The following ARHGEF4 variants were observed in gnomAD, a reference collection of about 807,000 sequenced individuals.
The protein encoded by ARHGEF4 is Rho guanine nucleotide exchange factor 4, also known as APC-stimulated guanine nucleotide exchange factor 1.
A neutral mutation model predicts 162.0 loss-of-function variants in ARHGEF4; 119 were observed. The ratio of observed to expected loss-of-function variants is 0.73; its 90% CI spans 0.63 to 0.86. The LOEUF is 0.86. Among genes scored for constraint, ARHGEF4 ranks in the 40% least tolerant of loss-of-function variants. The pLI, the probability that ARHGEF4 is intolerant of heterozygous loss-of-function variation, is 0.00. For synonymous variants in ARHGEF4, 1,014 were observed against 979.9 expected (o/e 1.03, Z -0.65); for missense variants, 2,488 against 2,456.0 (o/e 1.01, Z -0.28).
chr2:130,920,437 G>A (rs1469871818), intron 2 of ARHGEF4, among the ~76,000 whole-genome samples: 1 of 152,172 alleles, frequency 6.6e-6, no homozygotes, highest in African/African-American at 2.4e-5. Context: ...TCCTCTTTAT[G>A]TTTCATTCCT....
chr2:130,946,574 C>G lies in ARHGEF4; in HGVS notation c.3924C>G (p.Leu1308=), dbSNP rs1245964003. The change falls in exon 4 of 14, where the codon CTC becomes CTG. Residue 1308 remains leucine, a synonymous_variant. Coordinates refer to ENST00000409359, the MANE Select transcript of ARHGEF4 (RefSeq NM_001367493.1). The stretch of plus-strand genomic sequence containing the variant: ...ATCTCCCTAGAAGAAGCCATCCACT[C>G]TCCCAGAGTGCTCCAACGGGACTGA... ...SLNLPRRSHP[L]SQSAPTGLNH... 2 of 1,614,158 alleles carry G rather than the reference C, an allele frequency of 1.2e-6. No individual in the cohort carries two copies.
intron 4 of ARHGEF4, among the ~76,000 whole-genome samples, chr2:130,998,137 C>G (rs1189364480): frequency 6.6e-6 from 1 of 152,168 alleles, no homozygotes; most frequent in Non-Finnish European, 1.5e-5. Context: ...AATCACAAGT[C>G]TTTTTCACAT....
chr2:130,975,091 T>C (rs946236218), intron 4 of ARHGEF4, among the ~76,000 whole-genome samples: 4 of 152,202 alleles, frequency 2.6e-5, no homozygotes, highest in Non-Finnish European at 5.9e-5. Context: ...CATGGACGGA[T>C]GGACGTGCTG....
chr2:130,960,316 C>G (rs1684554672), intron 4 of ARHGEF4, among the ~76,000 whole-genome samples: 1 of 152,120 alleles, frequency 6.6e-6, no homozygotes, highest in African/African-American at 2.4e-5. Flanking sequence ...ATATTTTATA[C>G]TATATTTTTA....
chr2:130,930,875 G>T, intron 2 of ARHGEF4, 77 bp from the exon 3 acceptor site: 1 of 1,406,132 alleles, frequency 7.1e-7, no homozygotes, highest in Non-Finnish European at 9.6e-7. Flanking sequence ...AAGGAACTAG[G>T]CAGAGGAAGG....
chr2:130,851,339 C>T (rs1431456736), intron 1 of ARHGEF4, among the ~76,000 whole-genome samples: 2 of 152,258 alleles, frequency 1.3e-5, no homozygotes, highest in African/African-American at 4.8e-5. Flanking sequence ...CCCTGGTTCG[C>T]ATCCATCAAC....
intron 4 of ARHGEF4, among the ~76,000 whole-genome samples, chr2:130,991,512 G>A (rs111745949): frequency 0.02 from 3,073 of 152,312 alleles, 91 homozygotes; most frequent in African/African-American, 0.07. Context: ...TTCGGTGGGC[G>A]TGGGCTTGGC....
Position 130,926,048 on chromosome 2 carries a change from C to CTCTT in ARHGEF4, c.3553-4878_3553-4875dup, listed in dbSNP as rs370694048. ...TCTTTCTTTCTTTCTTTCTTTCTTT[C>CTCTT]TCTTTCTTTCTTTCTTTCTTTCTTT... On this transcript the variant is annotated intron_variant, in intron 2 of 13. Transcript: ENST00000409359. Among the ~76,000 whole-genome samples the CTCTT allele has an allele frequency of 8.2e-3, 437 of 53,452 alleles. 4 individuals are homozygous for CTCTT. Among genetic ancestry groups the CTCTT allele is most frequent in the African/African-American group, 0.024 (387 of 16,276 alleles). The allele number at this position is 53,452 out of a possible 152,430, so 35.1% of individuals were successfully genotyped here.
intron 10 of ARHGEF4, among the ~76,000 whole-genome samples, chr2:131,042,153 GCCT>G (rs1423775442): frequency 6.6e-6 from 1 of 152,226 alleles, no homozygotes; most frequent in East Asian, 1.9e-4. Context: ...GCACCTGGTG[GCCT>G]CTTTTCTATG....
rs1690711441 is a variant in ARHGEF4 at position 131,040,443 on chromosome 2, G to A, written c.4662+3G>A. On this transcript the variant is annotated splice_donor_region_variant and intron_variant, in intron 8 of 13. Transcript: ENST00000409359. ...TGGGTGCCTGCTTCCTGGAGCATGT[G>A]AGCGCGCGGCCCCCGGCCCCTACCT... 1 of 1,567,918 alleles carries A rather than the reference G, an allele frequency of 6.4e-7. No homozygotes were observed. The highest frequency in any genetic ancestry group is 8.6e-7 in the Non-Finnish European group (1 of 1,156,724).
chr2:130,919,857 C>T (rs1681760574), intron 2 of ARHGEF4, among the ~76,000 whole-genome samples: 2 of 149,908 alleles, frequency 1.3e-5, no homozygotes, highest in African/African-American at 5.0e-5. Context: ...ACCTGGGCGA[C>T]AGAGTGAGAC....
chr2:130,945,681 G>A (rs1255185278), intron 3 of ARHGEF4, among the ~76,000 whole-genome samples: 2 of 152,076 alleles, frequency 1.3e-5, no homozygotes, highest in South Asian at 2.1e-4. Context: ...GTGTTACTTC[G>A]AATTCTGGTT....
At chr2:130,972,289 A>C (rs1685417805) in intron 4 of ARHGEF4, among the ~76,000 whole-genome samples, 1 of 152,240 alleles carries the variant, frequency 6.6e-6, no homozygotes, top group South Asian at 2.1e-4. Context: ...TCAGTTTATA[A>C]GAGCATAGTC....
At chr2:130,874,289 C>T (rs1441809720) in intron 1 of ARHGEF4, among the ~76,000 whole-genome samples, 2 of 152,202 alleles carry the variant, frequency 1.3e-5, no homozygotes, top group Admixed American at 6.5e-5. Flanking sequence ...GTTTCTTCCT[C>T]ATGTGTTGGG....
intron 5 of ARHGEF4, among the ~76,000 whole-genome samples, chr2:131,032,898 G>A (rs1689962535): frequency 7.0e-6 from 1 of 143,800 alleles, no homozygotes; most frequent in South Asian, 2.2e-4. Context: ...TGTCACCCAG[G>A]CTGGAGTACA....
chr2:130,999,970 C>T (rs148082843), intron 4 of ARHGEF4, among the ~76,000 whole-genome samples: 96 of 152,348 alleles, frequency 6.3e-4, no homozygotes, highest in Middle Eastern at 3.4e-3. Flanking sequence ...CCTCGGCCTC[C>T]CAAAATGGGA....
At chr2:131,040,507 CG>C in intron 8 of ARHGEF4, 67 bp downstream of exon 8, 4 of 1,466,282 alleles carry the variant, frequency 2.7e-6, no homozygotes, top group Non-Finnish European at 3.6e-6. Context: ...GGCGCCAGCG[CG>C]GACAGCGGGT....
At chr2:130,952,541 T>C (rs1448388922) in intron 4 of ARHGEF4, among the ~76,000 whole-genome samples, 1 of 152,146 alleles carries the variant, frequency 6.6e-6, no homozygotes, top group Non-Finnish European at 1.5e-5. Flanking sequence ...CTATTCAACA[T>C]AGTGTTGGAA....
intron 1 of ARHGEF4, among the ~76,000 whole-genome samples, chr2:130,850,386 C>T (rs1006925680): frequency 2.6e-5 from 4 of 152,224 alleles, no homozygotes; most frequent in African/African-American, 9.6e-5. Flanking sequence ...TCTGCCTAGG[C>T]AGCTGCTGCT....
Sources: gnomAD v4.1 joint callset for allele counts (sites outside exome capture counted in the v4.1 genomes callset) on GRCh38, gnomAD v4.1.1 for gene constraint, MANE v1.5 for transcripts, NCBI Gene and HGNC (gene_info 2026-07-23, HGNC 2026-07-21) for gene names.